LYPLA1: variants seen among roughly 807,000 people sequenced by gnomAD.
LYPLA1 encodes acyl-protein thioesterase 1.
Under a neutral mutation model 34.0 loss-of-function variants are expected in LYPLA1, and 17 were observed. The observed-to-expected ratio is 0.50, with a 90% confidence interval of 0.34 to 0.75. The LOEUF (loss-of-function observed/expected upper bound fraction) is 0.75, where lower values mean the gene tolerates loss of function less well. LYPLA1 is among the 30% of genes least tolerant of loss of function. The pLI is 0.01. For missense variants in LYPLA1, 203 were observed against 288.8 expected, an observed-to-expected ratio of 0.70 and a Z score of 2.15; for synonymous variants, 98 against 100.8, an observed-to-expected ratio of 0.97 and a Z score of 0.17.
At chr8:54,056,419 C>G (rs1806209724) in intron 5 of LYPLA1, among the ~76,000 whole-genome samples, 3 of 152,130 alleles carry the variant, frequency 2.0e-5, no homozygotes, top group African/African-American at 4.8e-5. Context: ...ACAAGCATAT[C>G]AACCAAAGCA....
At chr8:54,074,143 G>A (rs918487678) in intron 2 of LYPLA1, among the ~76,000 whole-genome samples, 4 of 152,172 alleles carry the variant, frequency 2.6e-5, no homozygotes, top group African/African-American at 4.8e-5. Context: ...GTGTGGTGGC[G>A]GGAGCCTGTA....
At chr8:54,093,085 G>A (rs1809428541) in intron 2 of LYPLA1, among the ~76,000 whole-genome samples, 1 of 152,196 alleles carries the variant, frequency 6.6e-6, no homozygotes, top group African/African-American at 2.4e-5. Flanking sequence ...CTGAACACCA[G>A]AAGTAGGGTT....
At chr8:54,087,620 T>C (rs556053204) in intron 2 of LYPLA1, among the ~76,000 whole-genome samples, 1 of 152,358 alleles carries the variant, frequency 6.6e-6, no homozygotes, top group South Asian at 2.1e-4. Context: ...ATAATGTATC[T>C]GATAGGAGTC....
intron 2 of LYPLA1, among the ~76,000 whole-genome samples, chr8:54,072,139 G>T: frequency 6.6e-6 from 1 of 152,074 alleles, no homozygotes; most frequent in Non-Finnish European, 1.5e-5. Context: ...ATGGGAAAAA[G>T]GACTCCCCAG....
chr8:54,065,765 T>C lies in LYPLA1; in HGVS notation c.150A>G (p.Lys50=). 6.2e-7 allele frequency: 1 copy of C among 1,613,810 alleles called. No individual in the cohort carries two copies. Among genetic ancestry groups the C allele is most frequent in the Admixed American group, 1.7e-5 (1 of 60,010 alleles). Residue 50 remains lysine, a synonymous_variant, in exon 3 of 9, where the codon AAA becomes AAG. Coordinates refer to ENST00000316963, the MANE Select transcript of LYPLA1 (RefSeq NM_006330.4). ...ATACTCACGCATGCGGGCAGATATATTTGATATGTGAACTTCTGATACCTG... is the reference window on the plus strand; with the variant it reads ...ATACTCACGCATGCGGGCAGATATACTTGATATGTGAACTTCTGATACCTG... ...AFAGIRSSHI[K]YICPHAPVRP...
intron 8 of LYPLA1, among the ~76,000 whole-genome samples, chr8:54,049,414 C>CT (rs1042648238): frequency 6.6e-6 from 1 of 151,654 alleles, no homozygotes; most frequent in Non-Finnish European, 1.5e-5. Flanking sequence ...TCCTTTCTTT[C>CT]TTTTTTTTAG....
At chr8:54,096,976 G>C (rs1809734827) in intron 2 of LYPLA1, among the ~76,000 whole-genome samples, 1 of 151,936 alleles carries the variant, frequency 6.6e-6, no homozygotes, top group African/African-American at 2.4e-5. Flanking sequence ...TAAATGGGGA[G>C]TAGCAGATTA....
In LYPLA1 at chr8:54,081,974, C is replaced by T. The variant is rs576893044; in HGVS notation, c.102-16161G>A. On this transcript the variant is annotated intron_variant, in intron 2 of 8. Coordinates refer to ENST00000316963, the MANE Select transcript of LYPLA1 (RefSeq NM_006330.4). ...TGAACTCCTGACCTCAGGTGATCCG[C>T]CCGCCTCCACCTCCCAAAGTGCTGA... Among the ~76,000 whole-genome samples the T allele has an allele frequency of 8.5e-5, 13 of 152,248 alleles. No individual in the cohort carries two copies. The South Asian group carries it at 2.5e-3, about 29-fold the overall frequency.
chr8:54,098,897 T>C (rs1317530841), intron 2 of LYPLA1, among the ~76,000 whole-genome samples: 1 of 151,894 alleles, frequency 6.6e-6, no homozygotes, highest in Non-Finnish European at 1.5e-5. Context: ...CATGCACTCA[T>C]GGAACCAATC....
At chr8:54,088,193 A>G (rs1808945553) in intron 2 of LYPLA1, among the ~76,000 whole-genome samples, 2 of 152,266 alleles carry the variant, frequency 1.3e-5, no homozygotes, top group Non-Finnish European at 2.9e-5. Context: ...AAGAACATAA[A>G]GTACATTGAT....
chr8:54,086,961 C>G (rs1191076669), intron 2 of LYPLA1, among the ~76,000 whole-genome samples: 1 of 152,164 alleles, frequency 6.6e-6, no homozygotes, highest in Non-Finnish European at 1.5e-5. Flanking sequence ...CAGGAGAGAT[C>G]TTCCCTAGAA....
At chr8:54,101,254 T>G (rs1257523513) in intron 1 of LYPLA1, 1 of 725,578 alleles carries the variant, frequency 1.4e-6, no homozygotes, top group Non-Finnish European at 1.8e-6. Context: ...ATCTCACATA[T>G]CCTGTAGAAT....
At chr8:54,081,856 A>C (rs184512454) in intron 2 of LYPLA1, among the ~76,000 whole-genome samples, 1 of 151,890 alleles carries the variant, frequency 6.6e-6, no homozygotes, top group South Asian at 2.1e-4. Flanking sequence ...CAGCCTCCCA[A>C]GTAGCTGCGA....
At chr8:54,079,790 G>GT (rs1476494987) in intron 2 of LYPLA1, among the ~76,000 whole-genome samples, 1 of 151,676 alleles carries the variant, frequency 6.6e-6, no homozygotes, top group East Asian at 1.9e-4. Context: ...CTGAGACCTC[G>GT]TTTCCCCCTG....
intron 2 of LYPLA1, among the ~76,000 whole-genome samples, chr8:54,079,931 T>C (rs1325129493): frequency 1.3e-5 from 2 of 152,212 alleles, no homozygotes; most frequent in South Asian, 4.1e-4. Context: ...GCTTTTTCTA[T>C]TTCTATTTCA....
intron 2 of LYPLA1, among the ~76,000 whole-genome samples, chr8:54,066,958 C>T (rs781214075): frequency 3.9e-5 from 6 of 151,998 alleles, no homozygotes; most frequent in Admixed American, 2.6e-4. Context: ...TCACTTGAGT[C>T]CAGAGTTCGA....
At chr8:54,086,130 C>T (rs1337135485) in intron 2 of LYPLA1, among the ~76,000 whole-genome samples, 1 of 152,024 alleles carries the variant, frequency 6.6e-6, no homozygotes, top group Non-Finnish European at 1.5e-5. Flanking sequence ...ACCTTACCCC[C>T]AACCCCGTGC....
chr8:54,053,463 T>C (rs768010346), intron 6 of LYPLA1: 15 of 368,650 alleles, frequency 4.1e-5, no homozygotes, highest in African/African-American at 8.5e-5. Context: ...ACCTTCAGAG[T>C]ATCTGCCTAC....
intron 2 of LYPLA1, among the ~76,000 whole-genome samples, chr8:54,093,048 A>G (rs1424909267): frequency 6.6e-5 from 10 of 152,210 alleles, no homozygotes; most frequent in Admixed American, 5.9e-4. Flanking sequence ...AAGAAAAAAA[A>G]TGACCTAAGA....
Sources: gnomAD v4.1 joint callset for allele counts (sites outside exome capture counted in the v4.1 genomes callset) on GRCh38, gnomAD v4.1.1 for gene constraint, MANE v1.5 for transcripts, NCBI Gene and HGNC (gene_info 2026-07-23, HGNC 2026-07-21) for gene names.